The following AMZ1 variants were observed in gnomAD, a reference collection of about 807,000 sequenced individuals.
AMZ1 encodes the protein archaelysin family metallopeptidase 1, also known as archaemetzincin-1.
A neutral mutation model predicts 29.9 loss-of-function variants in AMZ1; 39 were observed. That is an observed-to-expected ratio of 1.30 (90% confidence interval 1.01 to 1.70). AMZ1 has a LOEUF of 1.70. Ranked by LOEUF, AMZ1 falls within the 40% of genes most tolerant of loss-of-function variation. The pLI is 0.00. For missense variants in AMZ1, 1,041 were observed against 680.6 expected, an observed-to-expected ratio of 1.53 and a Z score of -5.89; for synonymous variants, 458 against 304.0, an observed-to-expected ratio of 1.51 and a Z score of -5.27.
At chr7:2,711,134 C>G (rs4721982) in intron 6 of AMZ1, among the ~76,000 whole-genome samples, 2 of 152,052 alleles carry the variant, frequency 1.3e-5, no homozygotes, top group Non-Finnish European at 2.9e-5. Flanking sequence ...CTCTCCGTTC[C>G]GTGAGCACCA....
At chr7:2,711,111 C>T (rs566845615) in intron 6 of AMZ1, among the ~76,000 whole-genome samples, 48 of 152,330 alleles carry the variant, frequency 3.2e-4, no homozygotes, top group African/African-American at 1.2e-3. Flanking sequence ...AGCTCCTCCT[C>T]CTGCCCAGAG....
In AMZ1 at chr7:2,702,971, G is replaced by A. The variant is rs1257554971; in HGVS notation, c.472+82G>A. On this transcript the variant is annotated intron_variant, in intron 3 of 6. Transcript: ENST00000683327. ...AGGTGGGAGGAAGGCGCCCAGGAGA[G>A]GAAGGGAACCTTTTCTTCCTTTTTG... is the stretch of plus-strand genomic sequence containing the variant. The A allele has an allele frequency of 2.7e-6, 4 of 1,455,540 alleles. No homozygotes were observed. The African/African-American group carries it at 5.8e-5, about 21-fold the overall frequency. The allele number at this position is 1,455,540 out of a possible 1,614,324, so 90.2% of individuals were successfully genotyped here.
chr7:2,707,178 C>T (rs934634845), intron 3 of AMZ1, among the ~76,000 whole-genome samples: 4 of 151,826 alleles, frequency 2.6e-5, no homozygotes, highest in African/African-American at 9.7e-5. Context: ...GAAGCTGAGG[C>T]AGGAGAATGG....
intron 4 of AMZ1, among the ~76,000 whole-genome samples, chr7:2,758,791 T>G (rs536466653): frequency 5.3e-5 from 8 of 152,284 alleles, no homozygotes; most frequent in Non-Finnish European, 1.2e-4. Flanking sequence ...TGCAGTTTAC[T>G]CATCTAATAG....
At chr7:2,703,074 TG>T (rs1206366463) in intron 3 of AMZ1, among the ~76,000 whole-genome samples, 185 bp downstream of exon 3, 1 of 152,188 alleles carries the variant, frequency 6.6e-6, no homozygotes, top group African/African-American at 2.4e-5. Context: ...CAGGAGTGTC[TG>T]GGGACCTGAC....
At chr7:2,754,402 G>T (rs1455425856) in intron 4 of AMZ1, among the ~76,000 whole-genome samples, 1 of 152,112 alleles carries the variant, frequency 6.6e-6, no homozygotes, top group African/African-American at 2.4e-5. Flanking sequence ...TATGTAGTCA[G>T]CAAATACTTT....
chr7:2,720,576 G>A (rs1056377374), downstream of AMZ1, among the ~76,000 whole-genome samples: 3 of 151,846 alleles, frequency 2.0e-5, no homozygotes, highest in Non-Finnish European at 4.4e-5. Context: ...GCTAATTTTT[G>A]TATTTTTTAG....
chr7:2,686,605 G>A (rs1583134002), upstream of AMZ1, among the ~76,000 whole-genome samples: 1 of 152,178 alleles, frequency 6.6e-6, no homozygotes, highest in South Asian at 2.1e-4. Flanking sequence ...ACAAGAAGGT[G>A]AGAGAGGTTA....
At position 2,717,984 on chromosome 7, in the gene AMZ1, G is replaced by C. The variant is rs71527404; in HGVS notation, c.*5106G>C. ...TCACCGGAGTCGAGCAAACACGGCGGCCCCTGCCTCCCCCGGCGGCTCCAC... is the reference window on the plus strand; with the variant it reads ...TCACCGGAGTCGAGCAAACACGGCGCCCCCTGCCTCCCCCGGCGGCTCCAC... On this transcript the variant is annotated 3_prime_UTR_variant, in exon 7 of 7. Coordinates refer to ENST00000683327, the MANE Select transcript of AMZ1 (RefSeq NM_001384743.1). 0.17 allele frequency among the ~76,000 whole-genome samples: 25,968 copies of C among 152,090 alleles called. 2,293 individuals are homozygous for C. The highest frequency in any genetic ancestry group is 0.21 in the Middle Eastern group (61 of 294).
chr7:2,740,358 A>C (rs933880258), intron 4 of AMZ1, among the ~76,000 whole-genome samples: 1 of 152,126 alleles, frequency 6.6e-6, no homozygotes, highest in Admixed American at 6.5e-5. Flanking sequence ...TAGTGCCTTC[A>C]TAAGAAGAGA....
At chr7:2,681,212 A>G (rs1380365409) in intron 1 of AMZ1, among the ~76,000 whole-genome samples, 1 of 152,218 alleles carries the variant, frequency 6.6e-6, no homozygotes, top group African/African-American at 2.4e-5. Flanking sequence ...GGCATCATCA[A>G]CACAGCTTTT....
At chr7:2,749,812 G>C (rs1336634000) in intron 4 of AMZ1, among the ~76,000 whole-genome samples, 1 of 152,088 alleles carries the variant, frequency 6.6e-6, no homozygotes, top group African/African-American at 2.4e-5. Flanking sequence ...AGAGAGGAAA[G>C]AATCAGTGAC....
rs972636804 is a variant in AMZ1, at chr7:2,718,121, C to T, written c.*5243C>T. ...AGAGACGACACCTACCAGATTCCAC[C>T]ACTGAGGCCTCCCTCGATGCCTGCT... is the stretch of plus-strand genomic sequence containing the variant. On this transcript the variant is annotated 3_prime_UTR_variant, in exon 7 of 7. Transcript: ENST00000683327. Among the ~76,000 whole-genome samples, 1 of 152,176 alleles carries T rather than the reference C, an allele frequency of 6.6e-6. No individual in the cohort carries two copies. Among genetic ancestry groups the T allele is most frequent in the African/African-American group, 2.4e-5 (1 of 41,426 alleles).
At chr7:2,695,100 A>G (rs973345830) in intron 1 of AMZ1, among the ~76,000 whole-genome samples, 1 of 152,152 alleles carries the variant, frequency 6.6e-6, no homozygotes, top group African/African-American at 2.4e-5. Context: ...GTCTGTCCTC[A>G]CGGCTCCTCC....
chr7:2,710,441 C>A (rs1788699056), intron 6 of AMZ1, among the ~76,000 whole-genome samples: 1 of 152,248 alleles, frequency 6.6e-6, no homozygotes, highest in Non-Finnish European at 1.5e-5. Flanking sequence ...TCACTGCGTA[C>A]AGGCACCAGA....
intron 4 of AMZ1, among the ~76,000 whole-genome samples, chr7:2,755,216 T>G (rs1791237942): frequency 2.0e-5 from 3 of 152,198 alleles, no homozygotes; most frequent in Admixed American, 2.0e-4. Context: ...TCCCACTTTA[T>G]TCTTTTTCAA....
At chr7:2,758,193 T>C (rs1339545555) in intron 4 of AMZ1, among the ~76,000 whole-genome samples, 2 of 152,176 alleles carry the variant, frequency 1.3e-5, no homozygotes, top group African/African-American at 2.4e-5. Context: ...CTATCGATGC[T>C]TACAGTATTA....
chr7:2,708,927 A>G (rs1474189581), intron 4 of AMZ1, 148 bp from the exon 5 acceptor site: 4 of 1,269,946 alleles, frequency 3.1e-6, no homozygotes, highest in Non-Finnish European at 4.3e-6. Flanking sequence ...CCAGGGCCCA[A>G]CTTCATGTGG....
At chr7:2,691,802 C>T (rs904490089) in intron 1 of AMZ1, among the ~76,000 whole-genome samples, 4 of 150,518 alleles carry the variant, frequency 2.7e-5, no homozygotes, top group Admixed American at 2.0e-4. Context: ...GAATGTTGAT[C>T]AGGGCTGGTC....
Sources: allele counts gnomAD v4.1 joint callset (sites outside exome capture counted in the v4.1 genomes callset), GRCh38; gene constraint gnomAD v4.1.1; transcripts MANE v1.5; gene names NCBI Gene and HGNC (gene_info 2026-07-23, HGNC 2026-07-21).